PALLD: variants seen among roughly 807,000 people sequenced by gnomAD.
PALLD encodes the protein palladin.
Under a neutral mutation model 123.5 loss-of-function variants are expected in PALLD, and 61 were observed. That is an observed-to-expected ratio of 0.49 (90% CI 0.40 to 0.61). The LOEUF is 0.61. Ranked by LOEUF, PALLD falls within the 20% of genes least tolerant of loss-of-function variation. The pLI, the probability that PALLD is intolerant of heterozygous loss-of-function variation, is 0.00. For synonymous variants in PALLD, 465 were observed against 496.4 expected (o/e 0.94, Z 0.84); for missense variants, 1,273 against 1,377.0 (o/e 0.92, Z 1.20).
intron 10 of PALLD, among the ~76,000 whole-genome samples, chr4:168,858,052 A>G (rs1024141589): frequency 6.6e-6 from 1 of 152,196 alleles, no homozygotes. Context: ...CTGCCTTGTT[A>G]TTCATTGAGA....
intron 2 of PALLD, among the ~76,000 whole-genome samples, chr4:168,637,654 T>G (rs911508270): frequency 1.3e-5 from 2 of 152,140 alleles, no homozygotes; most frequent in Admixed American, 1.3e-4. Flanking sequence ...TAAATATTTC[T>G]GAGGATTAGC....
intron 8 of PALLD, among the ~76,000 whole-genome samples, chr4:168,705,350 A>T (rs995035343): frequency 3.3e-5 from 5 of 152,364 alleles, no homozygotes; most frequent in South Asian, 2.1e-4. Flanking sequence ...TGTACTCTTA[A>T]AAATGCTTAA....
At position 168,895,376 on chromosome 4, in the gene PALLD, G is replaced by A. The variant is rs561978775; in HGVS notation, c.2199+699G>A. Among the ~76,000 whole-genome samples, 11 of 152,240 alleles carry A rather than the reference G, an allele frequency of 7.2e-5. No individual in the cohort carries two copies. The South Asian group carries it at 1.0e-3, about 14-fold the overall frequency. ...CAGCCTGGCAGCAGAGTGAGACTTCGTCTCCAAAACAAAACAAAACTAAAA... is the reference window on the plus strand; with the variant it reads ...CAGCCTGGCAGCAGAGTGAGACTTCATCTCCAAAACAAAACAAAACTAAAA... On this transcript the variant is annotated intron_variant, in intron 12 of 21. Transcript: ENST00000505667.
intron 10 of PALLD, among the ~76,000 whole-genome samples, chr4:168,759,179 CAAAAAAAAAAAAAA>C (rs1175955888): frequency 1.1e-4 from 1 of 9,050 alleles, no homozygotes; most frequent in African/African-American, 8.4e-4. Context: ...GACTCCATCT[CAAAAAAAAAAAAAA>C]AAAAAAAAAA....
chr4:168,816,981 A>G (rs909503221), intron 10 of PALLD, among the ~76,000 whole-genome samples: 5 of 152,060 alleles, frequency 3.3e-5, no homozygotes, highest in African/African-American at 7.2e-5. Context: ...TAAGGAAGTG[A>G]GTGCTGAAGT....
At chr4:168,663,180 G>A (rs1561364734) in intron 2 of PALLD, among the ~76,000 whole-genome samples, 2 of 152,344 alleles carry the variant, frequency 1.3e-5, no homozygotes, top group Admixed American at 1.3e-4. Context: ...ATGTGGTGAG[G>A]TCAACAGATT....
intron 10 of PALLD, among the ~76,000 whole-genome samples, chr4:168,771,718 C>T (rs7679982): frequency 0.37 from 56,776 of 151,960 alleles, 11,780 homozygotes; most frequent in East Asian, 0.55. Flanking sequence ...CAGCTCTTTA[C>T]CACCTGATTC....
chr4:168,843,022 G>A (rs1746272866), intron 10 of PALLD, among the ~76,000 whole-genome samples: 1 of 152,208 alleles, frequency 6.6e-6, no homozygotes, highest in African/African-American at 2.4e-5. Context: ...ATATGTCATA[G>A]TATACGAAGG....
intron 10 of PALLD, among the ~76,000 whole-genome samples, chr4:168,786,047 C>T (rs1432117868): frequency 4.0e-5 from 6 of 151,486 alleles, no homozygotes; most frequent in Non-Finnish European, 5.9e-5. Context: ...ATACTACTGT[C>T]GGCCGGGCGC....
intron 9 of PALLD, among the ~76,000 whole-genome samples, chr4:168,709,898 C>T (rs1784671073): frequency 6.6e-6 from 1 of 152,050 alleles, no homozygotes; most frequent in Non-Finnish European, 1.5e-5. Flanking sequence ...CTAACATCCT[C>T]CCGCTAACCT....
intron 2 of PALLD, among the ~76,000 whole-genome samples, chr4:168,589,491 G>A (rs540018518): frequency 8.6e-5 from 13 of 150,762 alleles, no homozygotes; most frequent in Admixed American, 2.0e-4. Context: ...TTCTATAACC[G>A]TGAAATCTTT....
At chr4:168,755,049 G>A (rs555127565) in intron 10 of PALLD, among the ~76,000 whole-genome samples, 14 of 152,158 alleles carry the variant, frequency 9.2e-5, no homozygotes, top group African/African-American at 2.6e-4. Flanking sequence ...TGGCTAACAC[G>A]GTGAAACCCC....
At chr4:168,915,799 T>C (rs933136859) in intron 16 of PALLD, 96 bp from the exon 17 acceptor site, 2 of 930,654 alleles carry the variant, frequency 2.1e-6, no homozygotes, top group South Asian at 1.4e-5. Flanking sequence ...GGAAATCATA[T>C]TATTACCCCA....
At chr4:168,842,892 A>C (rs1746250572) in intron 10 of PALLD, among the ~76,000 whole-genome samples, 1 of 152,250 alleles carries the variant, frequency 6.6e-6, no homozygotes, top group African/African-American at 2.4e-5. Context: ...TCTAGTTCAA[A>C]TTATAAGCCT....
At position 168,596,769 on chromosome 4, in the gene PALLD, GT is replaced by G. The variant is rs1373273473; in HGVS notation, c.909-71418del. On this transcript the variant is annotated intron_variant, in intron 2 of 21. Transcript: ENST00000505667. ...CAGGAAGAAATATCTAGAATCCTTG[GT>G]TTCTAAAAAAAATTATAATTTACCA... is the stretch of plus-strand genomic sequence containing the variant. Among the ~76,000 whole-genome samples, 38 of 149,820 alleles carry G rather than the reference GT, an allele frequency of 2.5e-4. 1 individual carries two copies. Among genetic ancestry groups the G allele is most frequent in the African/African-American group, 8.3e-4 (34 of 40,844 alleles).
intron 8 of PALLD, among the ~76,000 whole-genome samples, chr4:168,692,136 C>T (rs1292934610): frequency 1.3e-5 from 2 of 152,120 alleles, no homozygotes; most frequent in South Asian, 2.1e-4. Flanking sequence ...CCACATGTGT[C>T]TTAGGAGCCA....
intron 10 of PALLD, chr4:168,843,998 GT>G (rs924521385): frequency 6.6e-6 from 1 of 152,204 alleles, no homozygotes; most frequent in Non-Finnish European, 1.5e-5. Flanking sequence ...AAAGGAGTCG[GT>G]AACCTTGAAT....
intron 17 of PALLD, among the ~76,000 whole-genome samples, chr4:168,917,206 G>A (rs1056302220): frequency 9.9e-5 from 15 of 151,298 alleles, no homozygotes; most frequent in African/African-American, 3.4e-4. Flanking sequence ...GCACCACCAC[G>A]CCCAGTTAAT....
At chr4:168,765,714 G>C (rs922429223) in intron 10 of PALLD, among the ~76,000 whole-genome samples, 1 of 152,216 alleles carries the variant, frequency 6.6e-6, no homozygotes, top group Admixed American at 6.5e-5. Flanking sequence ...GTCATCTGCT[G>C]CTCAGTGGTA....
Sources: gnomAD v4.1 joint callset for allele counts (sites outside exome capture counted in the v4.1 genomes callset) on GRCh38, gnomAD v4.1.1 for gene constraint, MANE v1.5 for transcripts, NCBI Gene and HGNC (gene_info 2026-07-23, HGNC 2026-07-21) for gene names.